The following CYP19A1 variants were observed in gnomAD, a reference collection of about 807,000 sequenced individuals.
CYP19A1 encodes the protein cytochrome P450 family 19 subfamily A member 1.
In CYP19A1, 32 loss-of-function variants were observed where a neutral mutation model predicts 44.4. The observed-to-expected ratio is 0.72, with a 90% CI of 0.54 to 0.97. CYP19A1 has a LOEUF of 0.97. CYP19A1 is among the 50% of genes least tolerant of loss of function. The probability of loss-of-function intolerance (pLI) is 0.00; values close to 1 mark genes in which losing one functional copy is unlikely to be tolerated. For missense variants in CYP19A1, 598 were observed against 637.8 expected, an observed-to-expected ratio of 0.94 and a Z score of 0.67; for synonymous variants, 212 against 215.6, an observed-to-expected ratio of 0.98 and a Z score of 0.14.
At chr15:51,322,433 GA>G (rs1294272131) in intron 1 of CYP19A1, among the ~76,000 whole-genome samples, 1 of 152,238 alleles carries the variant, frequency 6.6e-6, no homozygotes, top group African/African-American at 2.4e-5. Flanking sequence ...TATATTTAGA[GA>G]AACAAACTGC....
chr15:51,216,196 T>C (rs2031558234), intron 6 of CYP19A1, among the ~76,000 whole-genome samples: 1 of 152,182 alleles, frequency 6.6e-6, no homozygotes, highest in South Asian at 2.1e-4. Flanking sequence ...CAGGTGCTCT[T>C]CAGTTTGCCA....
At chr15:51,235,621 AG>A (rs2141102517) in intron 3 of CYP19A1, among the ~76,000 whole-genome samples, 1 of 152,384 alleles carries the variant, frequency 6.6e-6, no homozygotes, top group East Asian at 1.9e-4. Context: ...TGAAATATTT[AG>A]AAGTATTAAA....
Position 51,252,196 on chromosome 15 carries a change from TC to T in CYP19A1, c.-38-9247del, listed in dbSNP as rs371204533. Among the ~76,000 whole-genome samples, 18 of 152,182 alleles carry T rather than the reference TC, an allele frequency of 1.2e-4. No individual in the cohort carries two copies. In the South Asian group the frequency reaches 3.7e-3, roughly 32 times the overall value. On this transcript the variant is annotated intron_variant, in intron 1 of 9. Transcript: ENST00000396402. ...CTAGCTCTTCTCATTTCTTTTAGAGTCCCAGACCCATTCTAAGGATCCAGTG... is the reference window on the plus strand; with the variant it reads ...CTAGCTCTTCTCATTTCTTTTAGAGTCCAGACCCATTCTAAGGATCCAGTG...
intron 1 of CYP19A1, among the ~76,000 whole-genome samples, chr15:51,318,106 C>T (rs2036461336): frequency 6.6e-6 from 1 of 152,180 alleles, no homozygotes; most frequent in Non-Finnish European, 1.5e-5. Flanking sequence ...CCTCACAAGG[C>T]TGTCACAGCT....
At chr15:51,322,433 G>A (rs1355725419) in intron 1 of CYP19A1, among the ~76,000 whole-genome samples, 1 of 152,356 alleles carries the variant, frequency 6.6e-6, no homozygotes, top group East Asian at 1.9e-4. Context: ...TATATTTAGA[G>A]AAACAAACTG....
At chr15:51,282,310 G>A (rs1035331945) in intron 1 of CYP19A1, among the ~76,000 whole-genome samples, 1 of 152,158 alleles carries the variant, frequency 6.6e-6, no homozygotes, top group Admixed American at 6.6e-5. Context: ...TAATGTCCAG[G>A]GCTCAGTGCA....
chr15:51,302,653 G>T (rs1446916067), intron 1 of CYP19A1, among the ~76,000 whole-genome samples: 1 of 152,148 alleles, frequency 6.6e-6, no homozygotes, highest in African/African-American at 2.4e-5. Context: ...TCAAACTGAA[G>T]GTGTCTGGCT....
intron 1 of CYP19A1, among the ~76,000 whole-genome samples, chr15:51,322,802 C>G (rs886549710): frequency 2.0e-5 from 3 of 152,216 alleles, no homozygotes; most frequent in Non-Finnish European, 2.9e-5. Context: ...GATTCAGCAC[C>G]TCTCAGTTTC....
intron 1 of CYP19A1, among the ~76,000 whole-genome samples, chr15:51,294,486 C>G (rs1351648127): frequency 1.7e-4 from 21 of 123,500 alleles, no homozygotes; most frequent in Admixed American, 1.5e-3. Context: ...GCAGCTGCCC[C>G]GTCTGAGAAG....
chr15:51,301,778 C>T lies in CYP19A1; in HGVS notation c.-39+36717G>A, dbSNP rs191852128. 1.6e-3 allele frequency among the ~76,000 whole-genome samples: 244 copies of T among 152,212 alleles called. 3 individuals carry two copies. Among genetic ancestry groups the T allele is most frequent in the South Asian group, 0.01 (50 of 4,810 alleles). ...GCCCACTGGGAATGATTAGAATCCTCGGAAAATACTGGTTATGCTGGGATT... is the reference window on the plus strand; with the variant it reads ...GCCCACTGGGAATGATTAGAATCCTTGGAAAATACTGGTTATGCTGGGATT... On this transcript the variant is annotated intron_variant, in intron 1 of 9. Transcript: ENST00000396402.
chr15:51,286,671 T>C (rs2035709643), intron 1 of CYP19A1, among the ~76,000 whole-genome samples: 2 of 152,140 alleles, frequency 1.3e-5, no homozygotes, highest in Admixed American at 6.5e-5. Context: ...CTTAAGAAGA[T>C]ACCACCACCT....
intron 2 of CYP19A1, chr15:51,242,356 C>A: frequency 3.6e-6 from 1 of 277,734 alleles, no homozygotes; most frequent in Non-Finnish European, 6.9e-6. Flanking sequence ...ATGGCGGAAA[C>A]AAAGTGAAAG....
At chr15:51,246,605 G>A (rs1186676998) in intron 1 of CYP19A1, among the ~76,000 whole-genome samples, 1 of 152,112 alleles carries the variant, frequency 6.6e-6, no homozygotes, top group African/African-American at 2.4e-5. Flanking sequence ...CAGAGCCCAG[G>A]TGTCCTGATG....
Position 51,338,516 on chromosome 15 carries a change from G to C in CYP19A1, c.-60C>G, listed in dbSNP as rs1233144715. 6.6e-6 allele frequency: 1 copy of C among 152,226 alleles called. No individual in the cohort carries two copies. Among genetic ancestry groups the C allele is most frequent in the Non-Finnish European group, 1.5e-5 (1 of 68,058 alleles). The allele number at this position is 152,226 out of a possible 1,614,324, so 9.4% of individuals were successfully genotyped here. ...ATACGCGACGTCTGGAAGATCCCGA[G>C]CACAGGACCTTCCGTCCTGATAGGA... On this transcript the variant is annotated 5_prime_UTR_variant, in exon 1 of 10. Coordinates refer to ENST00000396402, the MANE Select transcript of CYP19A1 (RefSeq NM_000103.4).
intron 1 of CYP19A1, among the ~76,000 whole-genome samples, chr15:51,327,312 A>G (rs908285703): frequency 6.6e-6 from 1 of 152,146 alleles, no homozygotes; most frequent in African/African-American, 2.4e-5. Flanking sequence ...GAGTAAAGCC[A>G]AGGCACCATT....
chr15:51,294,154 C>T (rs1358830794), intron 1 of CYP19A1, among the ~76,000 whole-genome samples: 3 of 133,914 alleles, frequency 2.2e-5, no homozygotes, highest in African/African-American at 1.0e-4. Context: ...ATGTGAGGAG[C>T]CCCTCTGCCT....
At chr15:51,257,817 T>G (rs1401528358) in intron 1 of CYP19A1, among the ~76,000 whole-genome samples, 1 of 152,230 alleles carries the variant, frequency 6.6e-6, no homozygotes, top group African/African-American at 2.4e-5. Flanking sequence ...CTTTTAATTT[T>G]TGGATCCTAG....
chr15:51,293,158 G>T (rs891761937), intron 1 of CYP19A1, among the ~76,000 whole-genome samples: 1 of 152,014 alleles, frequency 6.6e-6, no homozygotes, highest in Non-Finnish European at 1.5e-5. Flanking sequence ...CATTGGGTAC[G>T]GTGCACACTG....
chr15:51,274,199 G>A (rs1013062630), intron 1 of CYP19A1, among the ~76,000 whole-genome samples: 22 of 152,150 alleles, frequency 1.4e-4, no homozygotes, highest in African/African-American at 5.1e-4. Flanking sequence ...ACTCAAGCAG[G>A]GTGAACATGT....
Sources: gnomAD v4.1 joint callset for allele counts (sites outside exome capture counted in the v4.1 genomes callset) on GRCh38, gnomAD v4.1.1 for gene constraint, MANE v1.5 for transcripts, NCBI Gene and HGNC (gene_info 2026-07-23, HGNC 2026-07-21) for gene names.